The following CRTAM variants were observed in gnomAD, a reference collection of about 807,000 sequenced individuals.
CRTAM encodes the protein cytotoxic and regulatory T-cell molecule.
In CRTAM, 44 loss-of-function variants were observed where a neutral mutation model predicts 50.0. That is an observed-to-expected ratio of 0.88 (90% confidence interval 0.69 to 1.13). The LOEUF is 1.13. CRTAM is among the 50% of genes most tolerant of loss of function. CRTAM has a pLI of 0.00. For missense variants in CRTAM, 448 were observed against 457.5 expected (o/e 0.98, Z 0.19); for synonymous variants, 159 against 169.3 (o/e 0.94, Z 0.47).
At chr11:122,843,672 C>T (rs1159300869) in intron 1 of CRTAM, among the ~76,000 whole-genome samples, 3 of 152,178 alleles carry the variant, frequency 2.0e-5, no homozygotes, top group Admixed American at 6.5e-5. Context: ...CACCCCATCC[C>T]TCTGACAACA....
At chr11:122,843,137 T>A (rs1861819797) in intron 1 of CRTAM, among the ~76,000 whole-genome samples, 1 of 152,246 alleles carries the variant, frequency 6.6e-6, no homozygotes, top group African/African-American at 2.4e-5. Context: ...CTATGTGTAC[T>A]TTGGTAGATG....
At chr11:122,865,781 G>T (rs909409996) in intron 7 of CRTAM, among the ~76,000 whole-genome samples, 4 of 152,046 alleles carry the variant, frequency 2.6e-5, no homozygotes, top group Admixed American at 2.0e-4. Flanking sequence ...CAACACACGG[G>T]TCCCAAACCT....
At chr11:122,861,330 A>C (rs1591354894) in intron 5 of CRTAM, among the ~76,000 whole-genome samples, 2 of 144,370 alleles carry the variant, frequency 1.4e-5, no homozygotes, top group South Asian at 2.2e-4. Flanking sequence ...AAAAACATGA[A>C]CCACCTGTGA....
chr11:122,871,160 T>G, intron 9 of CRTAM, 109 bp from the exon 10 acceptor site: 1 of 1,038,422 alleles, frequency 9.6e-7, no homozygotes, highest in East Asian at 2.5e-5. Context: ...TAGGTTTTTA[T>G]AAAGCAATAT....
At chr11:122,840,960 A>G (rs1258589305) in intron 1 of CRTAM, among the ~76,000 whole-genome samples, 3 of 152,198 alleles carry the variant, frequency 2.0e-5, no homozygotes, top group Admixed American at 6.5e-5. Flanking sequence ...TGTCAAATCC[A>G]ATGAATTTTG....
chr11:122,844,765 AATGCTATGGAAGTTAG>A (rs1227550433), intron 1 of CRTAM, among the ~76,000 whole-genome samples: 1 of 152,236 alleles, frequency 6.6e-6, no homozygotes, highest in Non-Finnish European at 1.5e-5. Flanking sequence ...TAAGCATCAC[AATGCTATGGAAGTTAG>A]ACAGTTCTGG....
At chr11:122,843,712 G>A (rs1861826782) in intron 1 of CRTAM, among the ~76,000 whole-genome samples, 3 of 152,206 alleles carry the variant, frequency 2.0e-5, no homozygotes. Context: ...AAACTTAGGT[G>A]AAAGAAAAGT....
intron 9 of CRTAM, among the ~76,000 whole-genome samples, chr11:122,868,388 G>A (rs569690935): frequency 2.6e-5 from 4 of 152,064 alleles, no homozygotes; most frequent in South Asian, 2.1e-4. Context: ...GACCGCCAGC[G>A]TTAAGTCCTG....
chr11:122,845,957 T>G (rs938023151), intron 1 of CRTAM, among the ~76,000 whole-genome samples: 15 of 152,044 alleles, frequency 9.9e-5, no homozygotes, highest in Admixed American at 3.3e-4. Flanking sequence ...CCCAAGGTGC[T>G]AGGATTACAG....
intron 2 of CRTAM, 124 bp downstream of exon 2, chr11:122,850,338 T>A: frequency 2.3e-6 from 2 of 884,320 alleles, no homozygotes; most frequent in Non-Finnish European, 3.3e-6. Flanking sequence ...GCCCACCTAC[T>A]GTTACACATG....
chr11:122,861,386 GTATA>G (rs71057304), intron 5 of CRTAM, among the ~76,000 whole-genome samples: 443 of 41,722 alleles, frequency 0.011, 3 homozygotes, highest in Middle Eastern at 0.025. Flanking sequence ...ATACATATAC[GTATA>G]TATATATATA....
chr11:122,840,271 G>A (rs138493824), intron 1 of CRTAM, among the ~76,000 whole-genome samples: 60 of 152,324 alleles, frequency 3.9e-4, no homozygotes, highest in Middle Eastern at 3.4e-3. Flanking sequence ...CATAGCGGAA[G>A]TACTGAGGTA....
In CRTAM at chr11:122,868,018, G is replaced by C. The variant is rs148256561; in HGVS notation, c.970G>C (p.Glu324Gln). Residue 324 changes from glutamate to glutamine, a missense_variant, in exon 9 of 10, where the codon GAA becomes CAA. Physicochemically the swap from Glu to Gln is conservative, Grantham distance 29. Transcript: ENST00000227348. The stretch of plus-strand genomic sequence containing the variant: ...TTGATTTTCTTTTTTTGTAGAAAAC[G>C]AAGTTTCAGAACACACACTAGAAAG... ...KAHVIWKKEN[E>Q]VSEHTLESYR... The C allele has an allele frequency of 6.2e-7, 1 of 1,602,454 alleles. No homozygotes were observed. Among genetic ancestry groups the C allele is most frequent in the African/African-American group, 1.3e-5 (1 of 74,346 alleles).
chr11:122,860,730 G>T (rs1251752490), intron 5 of CRTAM, among the ~76,000 whole-genome samples: 1 of 151,948 alleles, frequency 6.6e-6, no homozygotes, highest in Non-Finnish European at 1.5e-5. Context: ...TTGAGACAGG[G>T]TCTCACTCTG....
chr11:122,851,488 T>A (rs1346139996), intron 2 of CRTAM, among the ~76,000 whole-genome samples: 1 of 152,172 alleles, frequency 6.6e-6, no homozygotes, highest in Non-Finnish European at 1.5e-5. Context: ...TCTCTCGGAT[T>A]TCTGCAGCAG....
At chr11:122,846,873 G>A (rs1338653218) in intron 1 of CRTAM, among the ~76,000 whole-genome samples, 1 of 152,126 alleles carries the variant, frequency 6.6e-6, no homozygotes, top group African/African-American at 2.4e-5. Flanking sequence ...ATGTCTACTA[G>A]GACCTTAGAA....
intron 1 of CRTAM, among the ~76,000 whole-genome samples, chr11:122,839,868 A>T (rs1238081049): frequency 6.6e-6 from 1 of 152,214 alleles, no homozygotes; most frequent in East Asian, 1.9e-4. Flanking sequence ...TAGTACTTCA[A>T]TTCCCTATTT....
At chr11:122,855,223 C>T (rs998678292) in intron 4 of CRTAM, among the ~76,000 whole-genome samples, 83 of 152,182 alleles carry the variant, frequency 5.5e-4, no homozygotes, top group African/African-American at 1.5e-3. Flanking sequence ...GGATTACAGG[C>T]GTGAGCCACT....
chr11:122,842,572 G>T (rs1157815861), intron 1 of CRTAM, among the ~76,000 whole-genome samples: 1 of 152,124 alleles, frequency 6.6e-6, no homozygotes, highest in Non-Finnish European at 1.5e-5. Flanking sequence ...GAGCCACCAC[G>T]CCCGGCCTCA....
Sources: allele counts gnomAD v4.1 joint callset (sites outside exome capture counted in the v4.1 genomes callset), GRCh38; gene constraint gnomAD v4.1.1; transcripts MANE v1.5; gene names NCBI Gene and HGNC (gene_info 2026-07-23, HGNC 2026-07-21).